DHCR24: variants seen among roughly 807,000 people sequenced by gnomAD.
The protein encoded by DHCR24 is 24-dehydrocholesterol reductase.
In DHCR24, 28 loss-of-function variants were observed where a neutral mutation model predicts 61.2. The ratio of observed to expected loss-of-function variants is 0.46; its 90% CI spans 0.34 to 0.63. The LOEUF is 0.63. DHCR24 is among the 20% of genes least tolerant of loss of function. The pLI is 0.01. For synonymous variants in DHCR24, 261 were observed against 275.9 expected (o/e 0.95, Z 0.54); for missense variants, 538 against 679.1 (o/e 0.79, Z 2.31).
intron 6 of DHCR24, among the ~76,000 whole-genome samples, chr1:54,857,196 A>G (rs985779988): frequency 1.3e-5 from 2 of 152,168 alleles, no homozygotes; most frequent in Non-Finnish European, 2.9e-5. Flanking sequence ...GTGACCTGGG[A>G]TGTCAGGGTC....
At chr1:54,853,363 G>C (rs1263021267) in intron 8 of DHCR24, 71 bp downstream of exon 8, 2 of 1,588,890 alleles carry the variant, frequency 1.3e-6, no homozygotes, top group African/African-American at 2.7e-5. Flanking sequence ...CATAGAGCTG[G>C]CCTCATTCCC....
chr1:54,857,758 T>C (rs1319915177), intron 6 of DHCR24, among the ~76,000 whole-genome samples: 4 of 152,224 alleles, frequency 2.6e-5, no homozygotes, highest in Non-Finnish European at 5.9e-5. Flanking sequence ...GCTTTATATT[T>C]AGTACCTTTA....
intron 7 of DHCR24, 32 bp downstream of exon 7, chr1:54,854,005 C>G (rs1162601774): frequency 4.4e-6 from 7 of 1,589,650 alleles, no homozygotes; most frequent in Non-Finnish European, 6.0e-6. Flanking sequence ...GGGAATGCAC[C>G]TGGTGCGCCC....
chr1:54,877,442 T>G (rs79801423), intron 2 of DHCR24, among the ~76,000 whole-genome samples: 7,817 of 151,044 alleles, frequency 0.052, 287 homozygotes, highest in Middle Eastern at 0.086. Context: ...ACAAAATATA[T>G]GAAATAAGAG....
Position 54,884,309 on chromosome 1 carries a change from T to TG in DHCR24, c.232-537dup, listed in dbSNP as rs531344597. ...TTGACTTCAGGACAGGAAAGATAGA[T>TG]GGAGTTGTGGTAACAGTTCACAGGG... On this transcript the variant is annotated intron_variant, in intron 1 of 8. Transcript: ENST00000371269. Among the ~76,000 whole-genome samples, 258 of 152,322 alleles carry TG rather than the reference T, an allele frequency of 1.7e-3. No homozygotes were observed. In the South Asian group the frequency reaches 0.023, roughly 14 times the overall value.
chr1:54,881,944 AG>A (rs2101577575), intron 2 of DHCR24, among the ~76,000 whole-genome samples: 1 of 152,240 alleles, frequency 6.6e-6, no homozygotes, highest in South Asian at 2.1e-4. Context: ...GGACACATAC[AG>A]GGGAACAACA....
At chr1:54,881,154 A>G (rs1647062061) in intron 2 of DHCR24, among the ~76,000 whole-genome samples, 1 of 152,256 alleles carries the variant, frequency 6.6e-6, no homozygotes, top group African/African-American at 2.4e-5. Context: ...TGTCTCAAAA[A>G]GAAAAACTAA....
At position 54,851,426 on chromosome 1, in the gene DHCR24, G is replaced by T. The variant is rs765112724; in HGVS notation, c.*807C>A. On this transcript the variant is annotated 3_prime_UTR_variant, in exon 9 of 9. Transcript: ENST00000371269. ...AGGTCCCCTGGATCCAATTCAGAGCGGAGACCACTCTCTCCACCTAGGTGT... is the reference window on the plus strand; with the variant it reads ...AGGTCCCCTGGATCCAATTCAGAGCTGAGACCACTCTCTCCACCTAGGTGT... The T allele has an allele frequency of 1.3e-5, 2 of 152,522 alleles. No homozygotes were observed. The highest frequency in any genetic ancestry group is 2.4e-5 in the African/African-American group (1 of 41,424). The allele number at this position is 152,522 out of a possible 1,614,324, so 9.4% of individuals were successfully genotyped here. A position where few individuals can be genotyped will look rare whatever the true frequency, so the allele number is the denominator to read the frequency against.
At chr1:54,861,195 G>C (rs1646936587) in intron 6 of DHCR24, among the ~76,000 whole-genome samples, 1 of 152,108 alleles carries the variant, frequency 6.6e-6, no homozygotes, top group Non-Finnish European at 1.5e-5. Context: ...GGGAGCGGAA[G>C]TGAGCATGTG....
In DHCR24 at chr1:54,887,128, G is replaced by T. The variant is rs1647104397; in HGVS notation, c.-9C>A. On this transcript the variant is annotated 5_prime_UTR_variant, in exon 1 of 9. Transcript: ENST00000371269. ...GACACGGCGGGCTCCATGGTGCGGC[G>T]CCGCGCGGTAAGCGCTGCGGGTTCG... 1 of 1,562,614 alleles carries T rather than the reference G, an allele frequency of 6.4e-7. No homozygotes were observed. Among genetic ancestry groups the T allele is most frequent in the Non-Finnish European group, 8.7e-7 (1 of 1,154,918 alleles).
At chr1:54,853,945 T>C (rs1646892396) in intron 7 of DHCR24, 92 bp downstream of exon 7, 1 of 1,310,590 alleles carries the variant, frequency 7.6e-7, no homozygotes, top group African/African-American at 1.5e-5. Context: ...CAGAGGGCAG[T>C]GTGCCCAAGG....
At position 54,880,531 on chromosome 1, in the gene DHCR24, A is replaced by C. The variant is rs190091367; in HGVS notation, c.387+3087T>G. 1.7e-3 allele frequency among the ~76,000 whole-genome samples: 262 copies of C among 152,250 alleles called. No individual in the cohort carries two copies. The South Asian group carries it at 0.024, about 14-fold the overall frequency. ...TGTAATCCCAGCACTTTGGGAGGCC[A>C]AGGTAGGTGGATCATTTGAGGCCAG... On this transcript the variant is annotated intron_variant, in intron 2 of 8. Coordinates refer to ENST00000371269, the MANE Select transcript of DHCR24 (RefSeq NM_014762.4).
Position 54,883,729 on chromosome 1 carries a change from C to G in DHCR24, c.276G>C (p.Thr92=). 1.9e-5 allele frequency: 30 copies of G among 1,614,214 alleles called. No individual in the cohort carries two copies. The highest frequency in any genetic ancestry group is 2.5e-5 in the Non-Finnish European group (29 of 1,180,042). The part of the protein sequence containing the change: ...KEQGSKTFMC[T]GRPGWLTVSL... ...AGACAGTGAGCCAGCCAGGGCGCCC[C>G]GTGCACATGAAGGTCTTGCTACCCT... is the stretch of plus-strand genomic sequence containing the variant. Residue 92 remains threonine (T), a synonymous_variant, in exon 2 of 9, where the codon ACG becomes ACC. Transcript: ENST00000371269. The surrounding 1 kb of genome is among the most constrained non-coding windows in gnomAD (Gnocchi z 4.3).
chr1:54,852,162 G>C lies in DHCR24; in HGVS notation c.*71C>G, dbSNP rs1348142191. The C allele has an allele frequency of 6.3e-7, 1 of 1,590,218 alleles. No homozygotes were observed. The highest frequency in any genetic ancestry group is 2.2e-5 in the East Asian group (1 of 44,650). ...TCTTTGAAAGTGTGGATCTAGGAAA[G>C]CAGCCAAGCTTGAGTGAAGGGAAGA... On this transcript the variant is annotated 3_prime_UTR_variant, in exon 9 of 9. Coordinates refer to ENST00000371269, the MANE Select transcript of DHCR24 (RefSeq NM_014762.4).
chr1:54,871,644 G>A (rs755078643), intron 4 of DHCR24, 31 bp from the exon 5 acceptor site: 6 of 1,614,082 alleles, frequency 3.7e-6, no homozygotes, highest in Non-Finnish European at 5.1e-6. Flanking sequence ...GTTGTGAGCT[G>A]AAACCTTGGG....
In DHCR24 at chr1:54,856,713, C is replaced by A. The variant is rs1646909395; in HGVS notation, c.1021-2479G>T. Among the ~76,000 whole-genome samples, 3 of 152,330 alleles carry A rather than the reference C, an allele frequency of 2.0e-5. No individual in the cohort carries two copies. The South Asian group carries it at 6.2e-4, about 32-fold the overall frequency. ...TTAGATTATTTCCAGATTATTCCAA[C>A]TAATATACTTCGTATATGTTATCTT... On this transcript the variant is annotated intron_variant, in intron 6 of 8. Coordinates refer to ENST00000371269, the MANE Select transcript of DHCR24 (RefSeq NM_014762.4).
At chr1:54,868,833 C>T (rs1317392389) in intron 5 of DHCR24, among the ~76,000 whole-genome samples, 3 of 151,946 alleles carry the variant, frequency 2.0e-5, no homozygotes, top group Admixed American at 6.6e-5. Flanking sequence ...TTTGGGAGGC[C>T]GAGGCAGGCG....
At chr1:54,875,872 T>C (rs1647025899) in intron 3 of DHCR24, 70 bp downstream of exon 3, 1 of 1,245,212 alleles carries the variant, frequency 8.0e-7, no homozygotes, top group Non-Finnish European at 1.2e-6. Flanking sequence ...AGATGGAGGG[T>C]GGCCAAGGCC....
rs1317348921 is a variant in DHCR24 at position 54,853,697 on chromosome 1, T to C, written c.1219-85A>G. ...GCTGGCCCGCTCATACCCACCCAAATGAAGGCTTTGCAGCATTCTCAAGAC... is the reference window on the plus strand; with the variant it reads ...GCTGGCCCGCTCATACCCACCCAAACGAAGGCTTTGCAGCATTCTCAAGAC... On this transcript the variant is annotated intron_variant, in intron 7 of 8. Coordinates refer to ENST00000371269, the MANE Select transcript of DHCR24 (RefSeq NM_014762.4). The C allele has an allele frequency of 9.6e-6, 14 of 1,454,716 alleles. No individual in the cohort carries two copies. In the Admixed American group the frequency reaches 2.7e-4, roughly 29 times the overall value. The allele number at this position is 1,454,716 out of a possible 1,614,324, so 90.1% of individuals were successfully genotyped here.
Sources: gnomAD v4.1 joint callset for allele counts (sites outside exome capture counted in the v4.1 genomes callset) on GRCh38, gnomAD v4.1.1 for gene constraint, Gnocchi (gnomAD v3.1) non-coding constraint, MANE v1.5 for transcripts, NCBI Gene and HGNC (gene_info 2026-07-23, HGNC 2026-07-21) for gene names.